The following GLG1 variants were observed in gnomAD, a reference collection of about 807,000 sequenced individuals.
GLG1 encodes Golgi apparatus protein 1.
Under a neutral mutation model 160.5 loss-of-function variants are expected in GLG1, and 38 were observed. The ratio of observed to expected loss-of-function variants is 0.24; its 90% CI spans 0.18 to 0.31. GLG1 has a LOEUF of 0.31. Among genes scored for constraint, GLG1 ranks in the 10% least tolerant of loss-of-function variants. The pLI is 1.00. For missense variants in GLG1, 1,373 were observed against 1,505.2 expected (o/e 0.91, Z 1.45); for synonymous variants, 644 against 543.4 (o/e 1.19, Z -2.57).
intron 1 of GLG1, among the ~76,000 whole-genome samples, chr16:74,566,800 T>C (rs1049157479): frequency 6.6e-6 from 1 of 152,170 alleles, no homozygotes; most frequent in Non-Finnish European, 1.5e-5. Flanking sequence ...TGATGGGAAG[T>C]AGAAGATACA....
intron 2 of GLG1, among the ~76,000 whole-genome samples, chr16:74,514,346 A>C (rs1319399058): frequency 1.3e-5 from 2 of 152,228 alleles, no homozygotes; most frequent in Non-Finnish European, 2.9e-5. Context: ...TGTCAGATTC[A>C]CCAAGGTTGA....
Position 74,453,073 on chromosome 16 carries a change from C to A in GLG1, c.*94G>T. 6.5e-7 allele frequency: 1 copy of A among 1,540,766 alleles called. No individual in the cohort carries two copies. ...ATGCTCTAACACGGGGTTGGTGTCA[C>A]TTCTGAGAAGAGCGAGGTGAGTGGG... is the stretch of plus-strand genomic sequence containing the variant. On this transcript the variant is annotated 3_prime_UTR_variant, in exon 26 of 26. Coordinates refer to ENST00000422840, the MANE Select transcript of GLG1 (RefSeq NM_001145667.2).
intron 9 of GLG1, among the ~76,000 whole-genome samples, chr16:74,484,485 G>A (rs752632142): frequency 1.1e-4 from 17 of 151,998 alleles, no homozygotes; most frequent in African/African-American, 2.4e-4. Context: ...ATTTTTGGCC[G>A]GGCGTGGTGG....
chr16:74,604,959 T>G (rs1216818661), intron 1 of GLG1, among the ~76,000 whole-genome samples: 2 of 152,102 alleles, frequency 1.3e-5, no homozygotes, highest in African/African-American at 4.8e-5. Context: ...TGAGGCAGAA[T>G]TGCTTAAAGC....
At chr16:74,540,269 T>A (rs966759337) in intron 1 of GLG1, among the ~76,000 whole-genome samples, 5 of 146,160 alleles carry the variant, frequency 3.4e-5, no homozygotes, top group African/African-American at 1.3e-4. Flanking sequence ...ATAAATTTTA[T>A]AAAGTATTAA....
At chr16:74,453,577 T>C (rs1234160033) in intron 25 of GLG1, among the ~76,000 whole-genome samples, 1 of 152,122 alleles carries the variant, frequency 6.6e-6, no homozygotes, top group Non-Finnish European at 1.5e-5. Context: ...TCACCCACAA[T>C]TCCATCACAG....
intron 1 of GLG1, among the ~76,000 whole-genome samples, chr16:74,551,461 T>A (rs1324614190): frequency 7.8e-6 from 1 of 127,544 alleles, no homozygotes; most frequent in South Asian, 2.8e-4. Flanking sequence ...CACACCACCA[T>A]GTCTGGCTAT....
At chr16:74,539,080 A>T (rs1052197599) in intron 1 of GLG1, among the ~76,000 whole-genome samples, 7 of 150,488 alleles carry the variant, frequency 4.7e-5, no homozygotes, top group African/African-American at 1.5e-4. Context: ...TGAGAAAGTG[A>T]GGGACCCCAT....
rs962891307 is a variant in GLG1 at position 74,547,074 on chromosome 16, G to A, written c.439-14921C>T. Reference sequence around the variant, plus strand: ...ATAAGAATAGGAAGTTGACTTCCCTGGTTTAAGACAGTCTTTTATTATATC... The same window carrying A: ...ATAAGAATAGGAAGTTGACTTCCCTAGTTTAAGACAGTCTTTTATTATATC... On this transcript the variant is annotated intron_variant, in intron 1 of 25. Coordinates refer to ENST00000422840, the MANE Select transcript of GLG1 (RefSeq NM_001145667.2). Among the ~76,000 whole-genome samples, 3 of 152,182 alleles carry A rather than the reference G, an allele frequency of 2.0e-5. No homozygotes were observed. The South Asian group carries it at 6.2e-4, about 32-fold the overall frequency.
At chr16:74,455,438 A>C (rs1015953733) in intron 25 of GLG1, among the ~76,000 whole-genome samples, 1 of 152,204 alleles carries the variant, frequency 6.6e-6, no homozygotes, top group African/African-American at 2.4e-5. Context: ...AAAGGACTGG[A>C]CACAATGAGG....
chr16:74,543,518 A>C (rs1175699461), intron 1 of GLG1, among the ~76,000 whole-genome samples: 1 of 152,130 alleles, frequency 6.6e-6, no homozygotes, highest in Non-Finnish European at 1.5e-5. Flanking sequence ...TGGGTTTGCA[A>C]ATGTTAGTAA....
chr16:74,500,884 T>A (rs1048221163), intron 4 of GLG1, among the ~76,000 whole-genome samples: 6 of 152,224 alleles, frequency 3.9e-5, no homozygotes, highest in Admixed American at 2.6e-4. Flanking sequence ...TTAATGTATC[T>A]TCTTTGTTCT....
At chr16:74,518,311 T>C (rs1431958961) in intron 2 of GLG1, among the ~76,000 whole-genome samples, 3 of 152,122 alleles carry the variant, frequency 2.0e-5, no homozygotes, top group African/African-American at 7.2e-5. Context: ...ACTACAAGGC[T>C]AAAGTAACCA....
chr16:74,527,175 G>A (rs2017361733), intron 2 of GLG1, among the ~76,000 whole-genome samples: 1 of 147,184 alleles, frequency 6.8e-6, no homozygotes, highest in South Asian at 2.1e-4. Context: ...TTGTGCTACT[G>A]TTGTCATATA....
At chr16:74,458,428 G>C (rs1017407227) in intron 23 of GLG1, 1 of 156,216 alleles carries the variant, frequency 6.4e-6, no homozygotes, top group Non-Finnish European at 1.4e-5. Flanking sequence ...GGTGGCTTAT[G>C]CCTGTAATCC....
intron 2 of GLG1, among the ~76,000 whole-genome samples, chr16:74,527,851 C>A (rs1459425648): frequency 6.6e-6 from 1 of 151,504 alleles, no homozygotes; most frequent in Non-Finnish European, 1.5e-5. Flanking sequence ...CTCAGCCTCC[C>A]AAGTAGATGG....
chr16:74,546,086 A>G lies in GLG1; in HGVS notation c.439-13933T>C, dbSNP rs576589613. Reference sequence around the variant, plus strand: ...TTCAAAGACGATCAGATCTTACCATAGTATCTTTGAAATCTTCATAATCAT... The same window carrying G: ...TTCAAAGACGATCAGATCTTACCATGGTATCTTTGAAATCTTCATAATCAT... On this transcript the variant is annotated intron_variant, in intron 1 of 25. Transcript: ENST00000422840. Among the ~76,000 whole-genome samples the G allele has an allele frequency of 4.6e-5, 7 of 152,306 alleles. No homozygotes were observed. In the South Asian group the frequency reaches 1.2e-3, roughly 27 times the overall value.
chr16:74,496,281 G>A (rs2016182934), intron 5 of GLG1, among the ~76,000 whole-genome samples, 160 bp downstream of exon 5: 1 of 151,860 alleles, frequency 6.6e-6, no homozygotes, highest in Non-Finnish European at 1.5e-5. Flanking sequence ...AATTGGGGAG[G>A]CTGAGCTGGA....
At chr16:74,454,372 T>C (rs2014442262) in intron 25 of GLG1, among the ~76,000 whole-genome samples, 1 of 151,152 alleles carries the variant, frequency 6.6e-6, no homozygotes, top group African/African-American at 2.4e-5. Flanking sequence ...CCTGGCTAAT[T>C]AAAAAATTTT....
Sources: allele counts gnomAD v4.1 joint callset (sites outside exome capture counted in the v4.1 genomes callset), GRCh38; gene constraint gnomAD v4.1.1; transcripts MANE v1.5; gene names NCBI Gene and HGNC (gene_info 2026-07-23, HGNC 2026-07-21).